Variants in OCM observed in about 807,000 individuals in gnomAD.
OCM encodes the protein oncomodulin, also known as oncomodulin-1.
In OCM, 18 loss-of-function variants were observed where a neutral mutation model predicts 14.1. The observed-to-expected ratio is 1.28, with a 90% CI of 0.88 to 1.89. The LOEUF is 1.89. Among genes scored for constraint, OCM ranks in the 40% most tolerant of loss-of-function variants. The probability of loss-of-function intolerance (pLI) is 0.00; values close to 1 mark genes in which losing one functional copy is unlikely to be tolerated. For synonymous variants in OCM, 48 were observed against 51.0 expected (o/e 0.94, Z 0.25); for missense variants, 140 against 137.6 (o/e 1.02, Z -0.09).
upstream of OCM, chr7:5,879,689 T>C (rs549492228): frequency 1.3e-5 from 2 of 150,996 alleles, no homozygotes; most frequent in South Asian, 4.2e-4. Flanking sequence ...TTGTTGAAGT[T>C]TGTTGTTGTT....
At chr7:5,873,200 C>T in the OCM span, among the ~76,000 whole-genome samples, 1 of 152,086 alleles carries the variant, frequency 6.6e-6, no homozygotes, top group African/African-American at 2.4e-5. Flanking sequence ...CATGGTAAAA[C>T]CCTGTCTCTA....
intron 1 of OCM, 110 bp from the exon 2 acceptor site, chr7:5,882,383 G>A (rs1427155379): frequency 2.3e-6 from 3 of 1,291,438 alleles, no homozygotes; most frequent in Non-Finnish European, 3.3e-6. Flanking sequence ...CATCCCCGTA[G>A]CTCAGGGATA....
chr7:5,877,645 C>T (rs1781120981), upstream of OCM, among the ~76,000 whole-genome samples: 2 of 151,052 alleles, frequency 1.3e-5, no homozygotes, highest in African/African-American at 4.9e-5. Context: ...ATGGTGAAAC[C>T]CTCATCTCTA....
chr7:5,883,840 G>C, intron 2 of OCM, 50 bp from the exon 3 acceptor site: 2 of 1,609,494 alleles, frequency 1.2e-6, no homozygotes, highest in Non-Finnish European at 1.7e-6. Context: ...TGTAAACACA[G>C]AGATGCATGA....
the OCM span, among the ~76,000 whole-genome samples, chr7:5,873,917 C>T: frequency 6.6e-6 from 1 of 151,724 alleles, no homozygotes; most frequent in Non-Finnish European, 1.5e-5. Context: ...AGAGTTTTGT[C>T]TCCACAAGGG....
chr7:5,878,875 T>TAAAAAAAAA (rs57901741), upstream of OCM, among the ~76,000 whole-genome samples: 3 of 102,014 alleles, frequency 2.9e-5, 1 homozygote, highest in Non-Finnish European at 3.8e-5. Flanking sequence ...TGCTGAAAGT[T>TAAAAAAAAA]AAAAAAAAAA....
chr7:5,875,697 G>C (rs1447983410), upstream of OCM, among the ~76,000 whole-genome samples: 1 of 152,004 alleles, frequency 6.6e-6, no homozygotes, highest in Non-Finnish European at 1.5e-5. Context: ...GGATTTAAAT[G>C]AGCAGATTTT....
chr7:5,863,092 C>T, the OCM span, among the ~76,000 whole-genome samples: 1 of 152,088 alleles, frequency 6.6e-6, no homozygotes, highest in Non-Finnish European at 1.5e-5. Flanking sequence ...TGTAGATTTC[C>T]TGAGCTGGAG....
chr7:5,865,133 A>G, the OCM span, among the ~76,000 whole-genome samples: 1 of 152,150 alleles, frequency 6.6e-6, no homozygotes. Context: ...AGTCACCCTG[A>G]GCCCCACTGC....
chr7:5,876,483 G>T (rs1781098353), upstream of OCM, among the ~76,000 whole-genome samples: 1 of 152,122 alleles, frequency 6.6e-6, no homozygotes, highest in Non-Finnish European at 1.5e-5. Context: ...TGGGCGAGGT[G>T]ATGCTGGTTG....
chr7:5,883,000 A>T (rs1338147705), intron 2 of OCM, among the ~76,000 whole-genome samples: 3 of 151,814 alleles, frequency 2.0e-5, no homozygotes, highest in Non-Finnish European at 4.4e-5. Context: ...CTGCCACCAC[A>T]TCCAGCTCAT....
At chr7:5,874,703 G>A in the OCM span, among the ~76,000 whole-genome samples, 7 of 151,972 alleles carry the variant, frequency 4.6e-5, no homozygotes, top group South Asian at 4.2e-4. Context: ...ACGGGGTAGT[G>A]CTTTGTAACC....
upstream of OCM, among the ~76,000 whole-genome samples, chr7:5,878,198 C>G (rs975407409): frequency 6.6e-6 from 1 of 151,188 alleles, no homozygotes; most frequent in Non-Finnish European, 1.5e-5. Context: ...CTCCTGACCT[C>G]TTGATTTGCC....
chr7:5,877,233 C>T (rs1237873689), upstream of OCM, among the ~76,000 whole-genome samples: 1 of 151,890 alleles, frequency 6.6e-6, no homozygotes, highest in African/African-American at 2.4e-5. Flanking sequence ...GGAAGCCAAG[C>T]AGGGTGGATC....
chr7:5,861,297 T>C, the OCM span, among the ~76,000 whole-genome samples: 1 of 152,026 alleles, frequency 6.6e-6, no homozygotes, highest in Non-Finnish European at 1.5e-5. Context: ...GCTGCGTGCC[T>C]GTAATCCCAG....
chr7:5,869,858 C>T, the OCM span, among the ~76,000 whole-genome samples: 10 of 152,146 alleles, frequency 6.6e-5, no homozygotes, highest in African/African-American at 2.4e-4. Flanking sequence ...CATTCATACC[C>T]TTGCTCCCGC....
chr7:5,884,059 T>C (rs1781283397), intron 3 of OCM, 60 bp downstream of exon 3: 1 of 1,598,752 alleles, frequency 6.3e-7, no homozygotes, highest in Non-Finnish European at 8.5e-7. Flanking sequence ...CCGTGAGGGC[T>C]TGGGCTGTGA....
chr7:5,874,249 A>AG, the OCM span, among the ~76,000 whole-genome samples: 2 of 150,254 alleles, frequency 1.3e-5, no homozygotes, highest in Non-Finnish European at 1.5e-5. Flanking sequence ...AAAAAAAAAA[A>AG]AAAAGATCTA....
At chr7:5,883,802 G>A in intron 2 of OCM, 88 bp from the exon 3 acceptor site, 3 of 1,501,456 alleles carry the variant, frequency 2.0e-6, no homozygotes, top group Non-Finnish European at 2.7e-6. Flanking sequence ...GCTGGAAACA[G>A]GTGATATGCT....
Sources: allele counts gnomAD v4.1 joint callset (sites outside exome capture counted in the v4.1 genomes callset), GRCh38; gene constraint gnomAD v4.1.1; transcripts MANE v1.5; gene names NCBI Gene and HGNC (gene_info 2026-07-23, HGNC 2026-07-21).